LRCH1: variants seen among roughly 807,000 people sequenced by gnomAD.
LRCH1 encodes leucine rich repeats and calponin homology domain containing 1.
Under a neutral mutation model 94.9 loss-of-function variants are expected in LRCH1, and 23 were observed. That is an observed-to-expected ratio of 0.24 (90% CI 0.17 to 0.34). LRCH1 has a LOEUF of 0.34. LRCH1 is among the 10% of genes least tolerant of loss of function. The pLI, the probability that LRCH1 is intolerant of heterozygous loss-of-function variation, is 1.00. For synonymous variants in LRCH1, 364 were observed against 354.9 expected (o/e 1.03, Z -0.29); for missense variants, 790 against 945.9 (o/e 0.84, Z 2.16).
At chr13:46,734,256 G>GA (rs34879765) in intron 19 of LRCH1, among the ~76,000 whole-genome samples, 1 of 152,002 alleles carries the variant, frequency 6.6e-6, no homozygotes, top group African/African-American at 2.4e-5. Flanking sequence ...TTTCAGACTT[G>GA]AAAAAAAATT....
intron 2 of LRCH1, among the ~76,000 whole-genome samples, chr13:46,657,465 C>A (rs376277221): frequency 8.7e-5 from 5 of 57,434 alleles, no homozygotes; most frequent in Non-Finnish European, 1.9e-4. Context: ...TTTTTTCTTT[C>A]TTTCTTCTTT....
intron 1 of LRCH1, among the ~76,000 whole-genome samples, chr13:46,623,693 G>GTTTTTTTTTTTTTTTTTTTTTTT (rs5803361): frequency 1.3e-4 from 17 of 128,498 alleles, no homozygotes; most frequent in South Asian, 2.5e-4. Context: ...CCCTGTCTCT[G>GTTTTTTTTTTTTTTTTTTTTTTT]TTTTTTTTTT....
At chr13:46,663,920 AT>A (rs2051481560) in intron 2 of LRCH1, among the ~76,000 whole-genome samples, 1 of 152,208 alleles carries the variant, frequency 6.6e-6, no homozygotes, top group East Asian at 1.9e-4. Flanking sequence ...TTCCATTACT[AT>A]TTGAAAACAA....
downstream of LRCH1, among the ~76,000 whole-genome samples, chr13:46,746,504 A>C (rs186739817): frequency 5.3e-5 from 8 of 152,320 alleles, no homozygotes; most frequent in Admixed American, 2.0e-4. Flanking sequence ...AGACTACTTC[A>C]TGACTCCGCT....
chr13:46,712,058 G>A (rs1163293563), intron 14 of LRCH1, among the ~76,000 whole-genome samples: 2 of 152,318 alleles, frequency 1.3e-5, no homozygotes, highest in African/African-American at 4.8e-5. Context: ...AAAACCGAAT[G>A]TAGGAACATC....
At chr13:46,668,542 C>T (rs1217057096) in intron 2 of LRCH1, among the ~76,000 whole-genome samples, 2 of 152,168 alleles carry the variant, frequency 1.3e-5, no homozygotes, top group Admixed American at 1.3e-4. Flanking sequence ...ATTATCTTCC[C>T]CATCCCTACT....
chr13:46,590,624 C>T (rs2050488763), intron 1 of LRCH1, among the ~76,000 whole-genome samples: 2 of 152,080 alleles, frequency 1.3e-5, no homozygotes, highest in Admixed American at 6.5e-5. Context: ...ATGATTGCAG[C>T]ACTACACTGC....
In LRCH1 at chr13:46,553,557, G is replaced by T. The variant is rs760058694; in HGVS notation, c.161G>T (p.Gly54Val). The T allele has an allele frequency of 1.9e-6, 3 of 1,547,986 alleles. No individual in the cohort carries two copies. The highest frequency in any genetic ancestry group is 1.2e-5 in the South Asian group (1 of 83,966). Residue 54 changes from glycine (G) to valine (V), a missense_variant, in exon 1 of 20, where the codon GGC becomes GTC. This residue lies in a region of LRCH1 where 136 missense variants were observed against 143.5 expected (regional missense o/e 0.95). Coordinates refer to ENST00000389797, the MANE Select transcript of LRCH1 (RefSeq NM_001164211.2). ...GAGGGGGGSG[G>V]FNLPLNRGLE... ...GGTGGTGGCGGCGGTGGCAGCGGGG[G>T]CTTCAACCTGCCCTTGAACCGGGGT... is the stretch of plus-strand genomic sequence containing the variant.
chr13:46,667,642 G>A (rs946028053), intron 2 of LRCH1, among the ~76,000 whole-genome samples: 4 of 151,648 alleles, frequency 2.6e-5, no homozygotes, highest in Admixed American at 6.6e-5. Flanking sequence ...AAACCTGCAC[G>A]TTGTGCACAT....
chr13:46,606,990 G>A (rs1050865846), intron 1 of LRCH1, among the ~76,000 whole-genome samples: 2 of 152,166 alleles, frequency 1.3e-5, no homozygotes, highest in Non-Finnish European at 2.9e-5. Flanking sequence ...GGGGAAAGCC[G>A]AGGCCAGAGC....
intron 2 of LRCH1, among the ~76,000 whole-genome samples, chr13:46,658,688 C>T (rs1182686423): frequency 6.6e-6 from 1 of 152,142 alleles, no homozygotes; most frequent in Admixed American, 6.5e-5. Context: ...GCTCTGTGGC[C>T]TAGGCTGGTC....
chr13:46,749,111 C>T (rs1186811405), downstream of LRCH1, among the ~76,000 whole-genome samples: 1 of 152,184 alleles, frequency 6.6e-6, no homozygotes, highest in Non-Finnish European at 1.5e-5. Flanking sequence ...CCTTGCAGAG[C>T]ACACCAATTG....
In LRCH1 at chr13:46,553,261, C is replaced by T; in HGVS notation, c.-136C>T. The T allele has an allele frequency of 1.5e-6, 1 of 654,724 alleles. No homozygotes were observed. The highest frequency in any genetic ancestry group is 1.9e-5 in the South Asian group (1 of 53,222). 40.6% of individuals were successfully genotyped at this position (654,724 alleles called of 1,614,324 possible). ...GCCCCCCATTCTACGCGCCTGCCCACACCCTCCTCCCCTCCTTCCAGCGCC... is the reference window on the plus strand; with the variant it reads ...GCCCCCCATTCTACGCGCCTGCCCATACCCTCCTCCCCTCCTTCCAGCGCC... On this transcript the variant is annotated 5_prime_UTR_variant, in exon 1 of 20. Coordinates refer to ENST00000389797, the MANE Select transcript of LRCH1 (RefSeq NM_001164211.2).
chr13:46,618,157 G>A (rs74076490), intron 1 of LRCH1, among the ~76,000 whole-genome samples: 12,017 of 152,232 alleles, frequency 0.079, 579 homozygotes, highest in Middle Eastern at 0.15. Flanking sequence ...GGTATATGGT[G>A]TAACCTATTG....
intron 1 of LRCH1, among the ~76,000 whole-genome samples, chr13:46,590,518 G>C (rs547465710): frequency 1.3e-5 from 2 of 152,156 alleles, no homozygotes; most frequent in East Asian, 3.9e-4. Flanking sequence ...CTCTCTTCTT[G>C]GCCAGGCGTG....
chr13:46,694,915 A>T lies in LRCH1; in HGVS notation c.1143A>T (p.Gln381His). The change falls in exon 9 of 20, where the codon CAA (glutamine) becomes CAT (histidine). Residue 381 changes from glutamine (Q) to histidine (H), a missense_variant. Transcript: ENST00000389797. ...PVKGEFHQEF[Q>H]PEPSLLGDST... ...TAGGGGAATTTCATCAGGAATTTCAACCGGAGCCTTCCCTTTTGGGTGACA... is the reference window on the plus strand; with the variant it reads ...TAGGGGAATTTCATCAGGAATTTCATCCGGAGCCTTCCCTTTTGGGTGACA... 2 of 1,614,200 alleles carry T rather than the reference A, an allele frequency of 1.2e-6. No homozygotes were observed. Among genetic ancestry groups the T allele is most frequent in the Non-Finnish European group, 8.5e-7 (1 of 1,180,000 alleles).
intron 1 of LRCH1, among the ~76,000 whole-genome samples, chr13:46,625,632 G>GTTTTTTTTTTTTTTTTTTTTTTTTTTT (rs3040224): frequency 7.9e-6 from 1 of 127,202 alleles, no homozygotes; most frequent in Non-Finnish European, 1.6e-5. Flanking sequence ...AATGTGTGGG[G>GTTTTTTTTTTTTTTTTTTTTTTTTTTT]TTTTTTTTTT....
At chr13:46,688,398 T>C (rs1465803601) in intron 6 of LRCH1, among the ~76,000 whole-genome samples, 1 of 152,196 alleles carries the variant, frequency 6.6e-6, no homozygotes, top group African/African-American at 2.4e-5. Flanking sequence ...AAGAAAAAAA[T>C]GAAGGCTTTA....
intron 2 of LRCH1, among the ~76,000 whole-genome samples, chr13:46,667,850 G>A (rs982624216): frequency 1.3e-5 from 2 of 152,142 alleles, no homozygotes; most frequent in African/African-American, 4.8e-5. Flanking sequence ...ACCATCCATT[G>A]TACCTATACC....
Sources: gnomAD v4.1 joint callset for allele counts (sites outside exome capture counted in the v4.1 genomes callset) on GRCh38, gnomAD v4.1.1 for gene constraint, gnomAD v4.1.1 regional missense constraint, MANE v1.5 for transcripts, NCBI Gene and HGNC (gene_info 2026-07-23, HGNC 2026-07-21) for gene names.